Variants in SPMIP2 observed in about 807,000 individuals in gnomAD.
SPMIP2 encodes the protein protein SPMIP2.
chr4:159,046,857 G>T, the SPMIP2 span, among the ~76,000 whole-genome samples: 1 of 152,252 alleles, frequency 6.6e-6, no homozygotes, highest in African/African-American at 2.4e-5. Flanking sequence ...ACAGGCGTGA[G>T]CAACTACGCC....
chr4:159,007,567 A>G, the SPMIP2 span: 1 of 1,097,006 alleles, frequency 9.1e-7, no homozygotes, highest in Non-Finnish European at 1.3e-6. Flanking sequence ...GAGAGGGTGA[A>G]TGCCGTCAAA....
chr4:158,950,846 T>C, the SPMIP2 span, among the ~76,000 whole-genome samples: 3 of 152,056 alleles, frequency 2.0e-5, no homozygotes, highest in Non-Finnish European at 4.4e-5. Flanking sequence ...TGAGCCAAGA[T>C]TGCACCATTG....
the SPMIP2 span, chr4:158,915,230 C>T: frequency 2.5e-5 from 40 of 1,613,570 alleles, no homozygotes; most frequent in African/African-American, 4.0e-5. Context: ...GCAATGATGA[C>T]TTACACTGCC....
chr4:158,969,232 G>T, the SPMIP2 span, among the ~76,000 whole-genome samples: 1 of 152,102 alleles, frequency 6.6e-6, no homozygotes, highest in Admixed American at 6.5e-5. Context: ...CATTGAGGTT[G>T]GGGTTAAAGA....
At chr4:159,062,697 G>GTC in the SPMIP2 span, among the ~76,000 whole-genome samples, 1,613 of 95,124 alleles carry the variant, frequency 0.017, 135 homozygotes, top group African/African-American at 0.042. Context: ...TTGAAACAGG[G>GTC]TCTCTCTCTC....
At chr4:159,033,850 A>T in the SPMIP2 span, among the ~76,000 whole-genome samples, 2 of 152,224 alleles carry the variant, frequency 1.3e-5, no homozygotes, top group African/African-American at 4.8e-5. Context: ...CTTTGGAAAA[A>T]AAGAAAAAAA....
At chr4:158,899,112 G>A in the SPMIP2 span, among the ~76,000 whole-genome samples, 98 of 152,284 alleles carry the variant, frequency 6.4e-4, no homozygotes, top group Admixed American at 9.8e-4. Flanking sequence ...TAATCATCTG[G>A]TTTTTGTCAC....
the SPMIP2 span, chr4:158,906,936 A>G: frequency 6.6e-6 from 1 of 152,214 alleles, no homozygotes; most frequent in Non-Finnish European, 1.5e-5. Context: ...CCACCTCAAG[A>G]AAAAACATAA....
chr4:159,000,245 A>G, the SPMIP2 span, among the ~76,000 whole-genome samples: 1 of 152,294 alleles, frequency 6.6e-6, no homozygotes, highest in East Asian at 1.9e-4. Context: ...TATTCATACT[A>G]AAAAAATTTA....
the SPMIP2 span, among the ~76,000 whole-genome samples, chr4:158,983,129 C>T: frequency 0.33 from 49,452 of 151,790 alleles, 8,235 homozygotes; most frequent in South Asian, 0.41. Flanking sequence ...TAAAAGGAGA[C>T]GAACAAAGCC....
At chr4:159,012,230 C>T in the SPMIP2 span, among the ~76,000 whole-genome samples, 1 of 151,994 alleles carries the variant, frequency 6.6e-6, no homozygotes, top group African/African-American at 2.4e-5. Flanking sequence ...ATAGTGAGAC[C>T]CTAGCTCTAT....
chr4:158,900,178 G>A, the SPMIP2 span, among the ~76,000 whole-genome samples: 1 of 152,290 alleles, frequency 6.6e-6, no homozygotes, highest in Non-Finnish European at 1.5e-5. Context: ...TTAATCCTGA[G>A]TTCTAATTTG....
At chr4:158,908,773 G>A in the SPMIP2 span, among the ~76,000 whole-genome samples, 8 of 152,222 alleles carry the variant, frequency 5.3e-5, no homozygotes, top group East Asian at 1.9e-4. Context: ...TGCAACCTCC[G>A]CCTCCTGGGT....
At chr4:158,949,490 G>A in the SPMIP2 span, among the ~76,000 whole-genome samples, 1 of 152,124 alleles carries the variant, frequency 6.6e-6, no homozygotes, top group Admixed American at 6.5e-5. Context: ...ACTTGTCCAA[G>A]GTATCATAGC....
the SPMIP2 span, among the ~76,000 whole-genome samples, chr4:158,899,190 G>A: frequency 6.6e-6 from 1 of 152,140 alleles, no homozygotes; most frequent in Non-Finnish European, 1.5e-5. Context: ...GCATCCCAGG[G>A]ATGAAGCCAG....
the SPMIP2 span, among the ~76,000 whole-genome samples, chr4:159,019,864 T>TA: frequency 4.1e-4 from 62 of 152,190 alleles, no homozygotes; most frequent in Non-Finnish European, 2.9e-5. Context: ...AGGGGGACAG[T>TA]AAATCAGTTC....
chr4:158,897,826 G>A, the SPMIP2 span, among the ~76,000 whole-genome samples: 5 of 152,158 alleles, frequency 3.3e-5, no homozygotes, highest in African/African-American at 4.8e-5. Flanking sequence ...TTGCTGTGAA[G>A]AAACTCTTTA....
the SPMIP2 span, among the ~76,000 whole-genome samples, chr4:158,999,181 A>C: frequency 4.2e-5 from 6 of 144,298 alleles, no homozygotes; most frequent in African/African-American, 7.6e-5. Context: ...AAAAAAAAAA[A>C]CAACAAAAAA....
the SPMIP2 span, among the ~76,000 whole-genome samples, chr4:158,937,136 T>C: frequency 6.6e-6 from 1 of 152,250 alleles, no homozygotes; most frequent in African/African-American, 2.4e-5. Context: ...CCTGCCGCCA[T>C]AGAATCATTC....
Sources: gnomAD v4.1 joint callset for allele counts (sites outside exome capture counted in the v4.1 genomes callset) on GRCh38, gnomAD v4.1.1 for gene constraint, MANE v1.5 for transcripts, NCBI Gene and HGNC (gene_info 2026-07-23, HGNC 2026-07-21) for gene names.